SLC22A23: variants seen among roughly 807,000 people sequenced by gnomAD.
The protein encoded by SLC22A23 is solute carrier family 22 member 23.
In SLC22A23, 26 loss-of-function variants were observed where a neutral mutation model predicts 61.0. The observed-to-expected ratio is 0.43, with a 90% CI of 0.31 to 0.59. The LOEUF (loss-of-function observed/expected upper bound fraction) is 0.59, where lower values mean the gene tolerates loss of function less well. SLC22A23 is among the 20% of genes least tolerant of loss of function. The probability of loss-of-function intolerance (pLI) is 0.11; values close to 1 mark genes in which losing one functional copy is unlikely to be tolerated. For missense variants in SLC22A23, 796 were observed against 934.7 expected, an observed-to-expected ratio of 0.85 and a Z score of 1.94; for synonymous variants, 430 against 413.9, an observed-to-expected ratio of 1.04 and a Z score of -0.47.
At chr6:3,374,146 C>T (rs1242115929) in intron 3 of SLC22A23, among the ~76,000 whole-genome samples, 1 of 152,210 alleles carries the variant, frequency 6.6e-6, no homozygotes, top group East Asian at 1.9e-4. Flanking sequence ...AACACAGGCC[C>T]AACTTTACCT....
rs554303667 is a variant in SLC22A23, at chr6:3,312,052, G to C, written c.1082+11782C>G. The C allele has an allele frequency of 4.6e-5, 7 of 152,342 alleles. No individual in the cohort carries two copies. In the East Asian group the frequency reaches 1.3e-3, roughly 29 times the overall value. The allele number at this position is 152,342 out of a possible 1,614,324, so 9.4% of individuals were successfully genotyped here. A position where few individuals can be genotyped will look rare whatever the true frequency, so the allele number is the denominator to read the frequency against. On this transcript the variant is annotated intron_variant, in intron 4 of 9. Transcript: ENST00000406686. ...AAGATGCTGCTCCTGACAACGCACT[G>C]AATAAATGAGCTTATGCTGCTTTAA...
At chr6:3,434,566 G>A (rs913573690) in intron 1 of SLC22A23, among the ~76,000 whole-genome samples, 4 of 151,798 alleles carry the variant, frequency 2.6e-5, no homozygotes, top group African/African-American at 9.7e-5. Context: ...CAGAGATCGC[G>A]CCACTGCACT....
intron 3 of SLC22A23, among the ~76,000 whole-genome samples, chr6:3,358,147 T>C (rs537454876): frequency 6.6e-6 from 1 of 152,342 alleles, no homozygotes; most frequent in East Asian, 1.9e-4. Flanking sequence ...GCAGCCATTA[T>C]GGAAAACAGT....
intron 3 of SLC22A23, among the ~76,000 whole-genome samples, chr6:3,376,425 C>A (rs1222529652): frequency 1.3e-5 from 2 of 152,160 alleles, no homozygotes; most frequent in Admixed American, 6.5e-5. Flanking sequence ...CCTCTGCCTG[C>A]CCCCACCGAC....
At position 3,273,969 on chromosome 6, in the gene SLC22A23, A is replaced by G. The variant is rs912420772; in HGVS notation, c.1704-557T>C. On this transcript the variant is annotated intron_variant, in intron 9 of 9. Coordinates refer to ENST00000406686, the MANE Select transcript of SLC22A23 (RefSeq NM_015482.2). ...GAGTTGATGGCCCACGTGTCTCCTG[A>G]AATTGCTCACATACCACCATTGGAA... 3.9e-5 allele frequency among the ~76,000 whole-genome samples: 6 copies of G among 152,164 alleles called. 1 individual carries two copies. Among genetic ancestry groups the G allele is most frequent in the Admixed American group, 2.6e-4 (4 of 15,284 alleles).
chr6:3,331,370 G>A (rs1431474546), intron 3 of SLC22A23, among the ~76,000 whole-genome samples: 1 of 152,050 alleles, frequency 6.6e-6, no homozygotes, highest in Non-Finnish European at 1.5e-5. Context: ...GATACTTGTC[G>A]CATGAATAAA....
At chr6:3,422,035 C>T (rs1416407666) in intron 1 of SLC22A23, among the ~76,000 whole-genome samples, 1 of 152,150 alleles carries the variant, frequency 6.6e-6, no homozygotes, top group African/African-American at 2.4e-5. Flanking sequence ...CAGCAAACCA[C>T]GAGGGTTTTA....
chr6:3,275,431 A>G (rs1347939898), intron 9 of SLC22A23, among the ~76,000 whole-genome samples: 1 of 152,238 alleles, frequency 6.6e-6, no homozygotes. Flanking sequence ...ACATAACATC[A>G]AAAGTAGGAT....
At chr6:3,306,023 C>T (rs1761947852) in intron 4 of SLC22A23, among the ~76,000 whole-genome samples, 1 of 152,192 alleles carries the variant, frequency 6.6e-6, no homozygotes, top group Non-Finnish European at 1.5e-5. Flanking sequence ...GCTCACAGTT[C>T]TGCAGGCTAT....
Position 3,386,062 on chromosome 6 carries a change from C to T in SLC22A23, c.913+24126G>A, listed in dbSNP as rs1288528813. Among the ~76,000 whole-genome samples, 4 of 152,178 alleles carry T rather than the reference C, an allele frequency of 2.6e-5. No individual in the cohort carries two copies. Among genetic ancestry groups the T allele is most frequent in the African/African-American group, 9.7e-5 (4 of 41,428 alleles). On this transcript the variant is annotated intron_variant, in intron 3 of 9. Coordinates refer to ENST00000406686, the MANE Select transcript of SLC22A23 (RefSeq NM_015482.2). The surrounding 1 kb of genome is among the most constrained non-coding windows in gnomAD (Gnocchi z 4.4). ...TCTAAATGATGCGGCTCTCAAATTC[C>T]CCATTCATGCCCATTCCTGTGGTCA...
At chr6:3,302,132 C>T (rs1761657726) in intron 4 of SLC22A23, among the ~76,000 whole-genome samples, 1 of 152,184 alleles carries the variant, frequency 6.6e-6, no homozygotes, top group Non-Finnish European at 1.5e-5. Flanking sequence ...TTGGTCTGTT[C>T]AGCCTTTCTA....
chr6:3,436,057 G>A (rs558945545), intron 1 of SLC22A23, among the ~76,000 whole-genome samples: 4 of 152,250 alleles, frequency 2.6e-5, no homozygotes, highest in East Asian at 3.9e-4. Context: ...CTAATACAGC[G>A]TGAGAATGAA....
intron 3 of SLC22A23, among the ~76,000 whole-genome samples, chr6:3,408,498 C>T (rs775142291): frequency 1.4e-4 from 22 of 152,198 alleles, no homozygotes; most frequent in Non-Finnish European, 2.2e-4. Context: ...TGGCAAATGC[C>T]AGTTACACAG....
rs116110036 is a variant in SLC22A23, at chr6:3,330,219, G to A, written c.914-6217C>T. ...CTAGAAGCCCATTTCCACCAGCAGC[G>A]GGAAAATGTGGAAAGGAAGGAGGTG... On this transcript the variant is annotated intron_variant, in intron 3 of 9. Transcript: ENST00000406686. This position sits in a 1 kb window ranked among gnomAD's most constrained non-coding sequence, Gnocchi z 4.7. 4.5e-3 allele frequency among the ~76,000 whole-genome samples: 685 copies of A among 152,290 alleles called. 5 individuals are homozygous for A. Among genetic ancestry groups the A allele is most frequent in the African/African-American group, 0.016 (648 of 41,560 alleles).
chr6:3,386,530 C>T lies in SLC22A23; in HGVS notation c.913+23658G>A, dbSNP rs528914085. On this transcript the variant is annotated intron_variant, in intron 3 of 9. Transcript: ENST00000406686. The surrounding 1 kb of genome is among the most constrained non-coding windows in gnomAD (Gnocchi z 4.4). ...CAGGAGGCTCCGGGTTCTGAGGCAG[C>T]CTTGTTCTTCCAGACACAGAGGAGG... Among the ~76,000 whole-genome samples the T allele has an allele frequency of 1.0e-3, 154 of 152,336 alleles. 1 individual carries two copies. The highest frequency in any genetic ancestry group is 3.6e-3 in the African/African-American group (149 of 41,578).
chr6:3,332,016 A>AATCATAC (rs1763605446), intron 3 of SLC22A23, among the ~76,000 whole-genome samples: 1 of 152,212 alleles, frequency 6.6e-6, no homozygotes, highest in South Asian at 2.1e-4. Context: ...TACGGATCAA[A>AATCATAC]ATCATACGCA....
At chr6:3,310,347 AGG>A (rs1412055194) in intron 4 of SLC22A23, among the ~76,000 whole-genome samples, 47 of 64,646 alleles carry the variant, frequency 7.3e-4, no homozygotes, top group Admixed American at 2.0e-3. Flanking sequence ...CCTGTCTCCC[AGG>A]GAGCACCCTG....
intron 4 of SLC22A23, among the ~76,000 whole-genome samples, chr6:3,307,846 G>A (rs1476615572): frequency 6.6e-6 from 1 of 152,210 alleles, no homozygotes; most frequent in African/African-American, 2.4e-5. Context: ...TCCATCAATG[G>A]ATGAATGGAT....
In SLC22A23 at chr6:3,455,626, A is replaced by G. The variant is rs549592955; in HGVS notation, c.654+280T>C. ...CCGACTCCTCCAGAGGGGGCTGGTG[A>G]CAGGTCAGCTGCCTCGCCCCGAGGG... On this transcript the variant is annotated intron_variant, in intron 1 of 9. Coordinates refer to ENST00000406686, the MANE Select transcript of SLC22A23 (RefSeq NM_015482.2). Among the ~76,000 whole-genome samples the G allele has an allele frequency of 2.4e-3, 364 of 152,354 alleles. 2 individuals carry two copies. The highest frequency in any genetic ancestry group is 7.3e-3 in the African/African-American group (304 of 41,582).
Sources: gnomAD v4.1 joint callset for allele counts (sites outside exome capture counted in the v4.1 genomes callset) on GRCh38, gnomAD v4.1.1 for gene constraint, Gnocchi (gnomAD v3.1) non-coding constraint, MANE v1.5 for transcripts, NCBI Gene and HGNC (gene_info 2026-07-23, HGNC 2026-07-21) for gene names.